Variants in CYP2C19 observed in about 807,000 individuals in gnomAD.
The protein encoded by CYP2C19 is cytochrome P450 2C19.
A neutral mutation model predicts 40.9 loss-of-function variants in CYP2C19; 59 were observed. That is an observed-to-expected ratio of 1.44 (90% CI 1.17 to 1.79). CYP2C19 has a LOEUF of 1.79. Ranked by LOEUF, CYP2C19 falls within the 40% of genes most tolerant of loss-of-function variation. The pLI, the probability that CYP2C19 is intolerant of heterozygous loss-of-function variation, is 0.00. For synonymous variants in CYP2C19, 253 were observed against 208.7 expected (o/e 1.21, Z -1.83); for missense variants, 754 against 596.9 (o/e 1.26, Z -2.74).
At chr10:94,793,361 T>C (rs1848637383) in intron 5 of CYP2C19, among the ~76,000 whole-genome samples, 1 of 152,196 alleles carries the variant, frequency 6.6e-6, no homozygotes, top group South Asian at 2.1e-4. Flanking sequence ...TTCTCTCAAC[T>C]CGTGAAAGTC....
intron 7 of CYP2C19, among the ~76,000 whole-genome samples, chr10:94,848,337 C>A (rs1849602963): frequency 6.6e-6 from 1 of 152,298 alleles, no homozygotes; most frequent in East Asian, 1.9e-4. Context: ...AATAGGGAAT[C>A]CTTTCCCCAT....
intron 6 of CYP2C19, among the ~76,000 whole-genome samples, chr10:94,830,852 G>A (rs1035829071): frequency 2.0e-5 from 3 of 152,138 alleles, no homozygotes; most frequent in African/African-American, 7.2e-5. Context: ...TGTGAAATAA[G>A]CATGTCATGG....
chr10:94,844,737 ACT>A (rs2134288207), intron 7 of CYP2C19, among the ~76,000 whole-genome samples: 1 of 152,228 alleles, frequency 6.6e-6, no homozygotes, highest in East Asian at 1.9e-4. Flanking sequence ...ACTTCAATGC[ACT>A]CTGTTTTCAC....
intron 5 of CYP2C19, among the ~76,000 whole-genome samples, chr10:94,793,487 G>T (rs1020585919): frequency 1.1e-4 from 17 of 152,100 alleles, no homozygotes; most frequent in Non-Finnish European, 2.4e-4. Context: ...CCATCTTTGT[G>T]GTTTTATCTA....
intron 1 of CYP2C19, among the ~76,000 whole-genome samples, chr10:94,767,456 C>T (rs942253493): frequency 1.3e-5 from 2 of 152,162 alleles, no homozygotes; most frequent in African/African-American, 4.8e-5. Context: ...GGGAAAGCTT[C>T]TATCCAATTT....
chr10:94,774,376 C>G lies in CYP2C19; in HGVS notation c.169-682C>G, dbSNP rs571649609. 4 of 152,152 alleles carry G rather than the reference C, an allele frequency of 2.6e-5. No individual in the cohort carries two copies. The South Asian group carries it at 8.3e-4, about 32-fold the overall frequency. The allele number at this position is 152,152 out of a possible 1,614,324, so 9.4% of individuals were successfully genotyped here. A position where few individuals can be genotyped will look rare whatever the true frequency, so the allele number is the denominator to read the frequency against. ...AAAATTGAGCTTGTTATGATTATTC[C>G]TCATAGGGATAGTATGAGGGAGGAA... On this transcript the variant is annotated intron_variant, in intron 1 of 8. Coordinates refer to ENST00000371321, the MANE Select transcript of CYP2C19 (RefSeq NM_000769.4).
intron 7 of CYP2C19, among the ~76,000 whole-genome samples, chr10:94,843,820 G>A (rs961026140): frequency 3.9e-5 from 6 of 152,094 alleles, no homozygotes; most frequent in Admixed American, 6.6e-5. Flanking sequence ...TGCTGATAGT[G>A]GGCATCCTTG....
At chr10:94,774,744 T>C (rs1848383214) in intron 1 of CYP2C19, 3 of 308,516 alleles carry the variant, frequency 9.7e-6, no homozygotes, top group Non-Finnish European at 1.8e-5. Flanking sequence ...TGTGGGACAC[T>C]GAAAATGAAT....
Position 94,798,814 on chromosome 10 carries a change from A to ATTTTTT in CYP2C19, c.819+16836_819+16841dup, listed in dbSNP as rs61240923. ...TCAAAGGGTAGGATTGCAACCCCTG[A>ATTTTTT]TTTTTTTTTTTTTTTTTTTTTTTTG... On this transcript the variant is annotated intron_variant, in intron 5 of 8. Coordinates refer to ENST00000371321, the MANE Select transcript of CYP2C19 (RefSeq NM_000769.4). 1.9e-4 allele frequency among the ~76,000 whole-genome samples: 13 copies of ATTTTTT among 67,694 alleles called. 1 individual carries two copies. Among genetic ancestry groups the ATTTTTT allele is most frequent in the East Asian group, 4.4e-4 (1 of 2,264 alleles). 44.4% of individuals were successfully genotyped at this position (67,694 alleles called of 152,430 possible).
At chr10:94,800,838 G>T (rs939901874) in intron 5 of CYP2C19, among the ~76,000 whole-genome samples, 1 of 152,224 alleles carries the variant, frequency 6.6e-6, no homozygotes, top group Non-Finnish European at 1.5e-5. Context: ...GCACGGGAGA[G>T]AATCTTCTAG....
intron 7 of CYP2C19, among the ~76,000 whole-genome samples, chr10:94,849,355 T>C (rs1054880060): frequency 1.3e-5 from 2 of 151,864 alleles, no homozygotes; most frequent in Non-Finnish European, 2.9e-5. Context: ...CATCAGCAGA[T>C]TTTATTAAGA....
intron 6 of CYP2C19, among the ~76,000 whole-genome samples, chr10:94,834,525 G>A (rs1418522853): frequency 1.4e-5 from 2 of 147,058 alleles, no homozygotes; most frequent in Admixed American, 1.3e-4. Context: ...TATTTCTTTT[G>A]TTCTACTAAT....
chr10:94,783,187 G>C (rs777569567), intron 5 of CYP2C19, among the ~76,000 whole-genome samples: 17 of 152,086 alleles, frequency 1.1e-4, no homozygotes, highest in Non-Finnish European at 2.5e-4. Context: ...TTATGAACAA[G>C]TTAGAAAATA....
At chr10:94,851,222 A>T (rs1241981086) in intron 8 of CYP2C19, among the ~76,000 whole-genome samples, 1 of 149,392 alleles carries the variant, frequency 6.7e-6, no homozygotes, top group Non-Finnish European at 1.5e-5. Flanking sequence ...AAGCAAGCAT[A>T]TATTTTCATG....
At chr10:94,814,902 T>C (rs2260946) in intron 5 of CYP2C19, among the ~76,000 whole-genome samples, 2,151 of 121,410 alleles carry the variant, frequency 0.018, 23 homozygotes, top group East Asian at 0.056. Context: ...GTGTTGAATG[T>C]AGATTACCCA....
At chr10:94,791,268 AT>A (rs1407581084) in intron 5 of CYP2C19, among the ~76,000 whole-genome samples, 3 of 151,470 alleles carry the variant, frequency 2.0e-5, no homozygotes, top group Non-Finnish European at 4.4e-5. Context: ...TTTCTCCTTT[AT>A]TATTTTTGCT....
At chr10:94,791,464 T>G (rs541156929) in intron 5 of CYP2C19, among the ~76,000 whole-genome samples, 38 of 152,262 alleles carry the variant, frequency 2.5e-4, no homozygotes, top group Middle Eastern at 6.8e-3. Flanking sequence ...TGTTAGGGTG[T>G]CAAATTTAGA....
chr10:94,802,892 T>A (rs1848786128), intron 5 of CYP2C19, among the ~76,000 whole-genome samples: 1 of 152,190 alleles, frequency 6.6e-6, no homozygotes, highest in Admixed American at 6.6e-5. Flanking sequence ...TATTATTTTT[T>A]TAAGAATGTT....
chr10:94,822,138 C>A (rs1273644735), intron 6 of CYP2C19, among the ~76,000 whole-genome samples: 1 of 152,154 alleles, frequency 6.6e-6, no homozygotes, highest in South Asian at 2.1e-4. Flanking sequence ...TTTTTTATGG[C>A]TGCATAGTAT....
Sources: allele counts gnomAD v4.1 joint callset (sites outside exome capture counted in the v4.1 genomes callset), GRCh38; gene constraint gnomAD v4.1.1; transcripts MANE v1.5; gene names NCBI Gene and HGNC (gene_info 2026-07-23, HGNC 2026-07-21).